Variants in GLT8D2 observed in about 807,000 individuals in gnomAD.
The protein encoded by GLT8D2 is glycosyltransferase 8 domain-containing protein 2.
A neutral mutation model predicts 44.5 loss-of-function variants in GLT8D2; 45 were observed. The ratio of observed to expected loss-of-function variants is 1.01; its 90% CI spans 0.80 to 1.30. GLT8D2 has a LOEUF of 1.30. Ranked by LOEUF, GLT8D2 falls within the 50% of genes most tolerant of loss-of-function variation. The pLI is 0.00. For synonymous variants in GLT8D2, 156 were observed against 157.2 expected (o/e 0.99, Z 0.06); for missense variants, 400 against 430.4 (o/e 0.93, Z 0.62).
Position 103,989,204 on chromosome 12 carries a change from G to C in GLT8D2, c.*204C>G. 2.5e-6 allele frequency: 1 copy of C among 399,342 alleles called. No homozygotes were observed. Among genetic ancestry groups the C allele is most frequent in the East Asian group, 3.7e-5 (1 of 26,998 alleles). The allele number at this position is 399,342 out of a possible 1,614,324, so 24.7% of individuals were successfully genotyped here. A position where few individuals can be genotyped will look rare whatever the true frequency, so the allele number is the denominator to read the frequency against. Reference sequence around the variant, plus strand: ...TTATGTTTTTCAGTCACATAATCTTGATTTCCATAGTTATCACATGTACTT... The same window carrying C: ...TTATGTTTTTCAGTCACATAATCTTCATTTCCATAGTTATCACATGTACTT... On this transcript the variant is annotated 3_prime_UTR_variant, in exon 11 of 11. Coordinates refer to ENST00000360814, the MANE Select transcript of GLT8D2 (RefSeq NM_001384711.1).
At chr12:104,027,596 T>C (rs560069811) in intron 1 of GLT8D2, among the ~76,000 whole-genome samples, 1 of 152,320 alleles carries the variant, frequency 6.6e-6, no homozygotes, top group African/African-American at 2.4e-5. Context: ...GGGGAGCAGT[T>C]TGTAGGGGTC....
intron 4 of GLT8D2, among the ~76,000 whole-genome samples, chr12:104,011,819 A>G (rs1566196939): frequency 1.3e-5 from 2 of 152,156 alleles, no homozygotes; most frequent in Admixed American, 6.6e-5. Context: ...TTATAACAAT[A>G]TATAACACAA....
At chr12:103,993,312 C>G in intron 10 of GLT8D2, 80 bp downstream of exon 10, 2 of 1,091,156 alleles carry the variant, frequency 1.8e-6, no homozygotes, top group South Asian at 2.7e-5. Context: ...GCCTGGGCAG[C>G]AGAGCGAGAC....
At chr12:104,003,067 G>T in intron 5 of GLT8D2, 68 bp downstream of exon 5, 2 of 1,226,342 alleles carry the variant, frequency 1.6e-6, no homozygotes, top group Non-Finnish European at 2.4e-6. Context: ...AGGTAGGGAG[G>T]GAGGGAGGGA....
intron 1 of GLT8D2, among the ~76,000 whole-genome samples, chr12:104,041,387 C>T (rs1048317449): frequency 6.6e-6 from 1 of 152,154 alleles, no homozygotes; most frequent in Non-Finnish European, 1.5e-5. Flanking sequence ...GCACTCCAGC[C>T]TGGGCGACAG....
intron 1 of GLT8D2, among the ~76,000 whole-genome samples, chr12:104,045,472 C>G (rs111933640): frequency 6.6e-6 from 1 of 152,070 alleles, no homozygotes; most frequent in Non-Finnish European, 1.5e-5. Flanking sequence ...AGGCACTGGG[C>G]AGTAGCATCT....
upstream of GLT8D2, among the ~76,000 whole-genome samples, chr12:104,053,035 A>G (rs988418350): frequency 1.2e-4 from 18 of 152,166 alleles, no homozygotes; most frequent in Non-Finnish European, 1.5e-5. Flanking sequence ...CACACACATG[A>G]GCGAAAATAA....
intron 3 of GLT8D2, among the ~76,000 whole-genome samples, chr12:104,016,880 AAG>A (rs765251549): frequency 3.2e-4 from 46 of 144,840 alleles, no homozygotes; most frequent in African/African-American, 1.1e-3. Context: ...GAAAGAAAGA[AAG>A]AAAAATAAAG....
At chr12:104,024,027 A>G (rs1161421213) in intron 1 of GLT8D2, among the ~76,000 whole-genome samples, 1 of 152,194 alleles carries the variant, frequency 6.6e-6, no homozygotes, top group African/African-American at 2.4e-5. Context: ...AATAGAGGGT[A>G]ACTACCTAGA....
chr12:104,048,148 A>T (rs1367451271), intron 1 of GLT8D2, among the ~76,000 whole-genome samples: 3 of 152,212 alleles, frequency 2.0e-5, no homozygotes, highest in African/African-American at 7.2e-5. Context: ...AAAACAAGGC[A>T]TCCCCTTGGA....
chr12:104,062,555 T>C (rs1011783430), intron 1 of GLT8D2, among the ~76,000 whole-genome samples: 1 of 152,224 alleles, frequency 6.6e-6, no homozygotes, highest in African/African-American at 2.4e-5. Flanking sequence ...GTCTGTGTTC[T>C]CCTTTGAGTA....
At chr12:104,033,241 T>C (rs1879529496) in intron 1 of GLT8D2, among the ~76,000 whole-genome samples, 1 of 151,454 alleles carries the variant, frequency 6.6e-6, no homozygotes, top group Non-Finnish European at 1.5e-5. Context: ...AATGGATGAG[T>C]GGATAAAGAA....
intron 1 of GLT8D2, among the ~76,000 whole-genome samples, chr12:104,028,585 C>G (rs1183172870): frequency 6.6e-6 from 1 of 152,140 alleles, no homozygotes; most frequent in Non-Finnish European, 1.5e-5. Flanking sequence ...CATATAAGAA[C>G]CCCTTCCCTT....
chr12:104,027,635 C>T (rs1051325245), intron 1 of GLT8D2, among the ~76,000 whole-genome samples: 4 of 152,122 alleles, frequency 2.6e-5, no homozygotes, highest in East Asian at 1.9e-4. Flanking sequence ...TCATTTATTG[C>T]GAATTTAATT....
intron 1 of GLT8D2, among the ~76,000 whole-genome samples, chr12:104,032,915 C>T (rs1373141588): frequency 1.4e-5 from 2 of 145,794 alleles, no homozygotes. Context: ...TTCGTTATAT[C>T]GTCACCTGGG....
intron 4 of GLT8D2, among the ~76,000 whole-genome samples, chr12:104,004,997 G>A (rs1359539107): frequency 2.0e-5 from 3 of 152,172 alleles, no homozygotes; most frequent in Non-Finnish European, 4.4e-5. Context: ...CAAGGCTACA[G>A]TAATCAAAAT....
chr12:104,050,300 G>A (rs1213757291), upstream of GLT8D2: 1 of 152,244 alleles, frequency 6.6e-6, no homozygotes. Flanking sequence ...TGGAGGAAAA[G>A]ACACAAAACC....
At chr12:104,023,618 G>A (rs56317646) in intron 1 of GLT8D2, among the ~76,000 whole-genome samples, 7,833 of 151,802 alleles carry the variant, frequency 0.052, 266 homozygotes, top group Non-Finnish European at 0.074. Context: ...TTCTTGTAAC[G>A]ACCACCACAA....
rs554625622 is a variant in GLT8D2, at chr12:104,004,067, G to T, written c.113-761C>A. 8.5e-5 allele frequency among the ~76,000 whole-genome samples: 13 copies of T among 152,218 alleles called. No individual in the cohort carries two copies. In the South Asian group the frequency reaches 2.5e-3, roughly 29 times the overall value. ...CGCTTCATCCCTGGGATGCAAGGCTGGTTCAACATACACAAATCAATAAAT... is the reference window on the plus strand; with the variant it reads ...CGCTTCATCCCTGGGATGCAAGGCTTGTTCAACATACACAAATCAATAAAT... On this transcript the variant is annotated intron_variant, in intron 4 of 10. Coordinates refer to ENST00000360814, the MANE Select transcript of GLT8D2 (RefSeq NM_001384711.1).
Sources: gnomAD v4.1 joint callset for allele counts (sites outside exome capture counted in the v4.1 genomes callset) on GRCh38, gnomAD v4.1.1 for gene constraint, MANE v1.5 for transcripts, NCBI Gene and HGNC (gene_info 2026-07-23, HGNC 2026-07-21) for gene names.